The following OCA2 variants were observed in gnomAD, a reference collection of about 807,000 sequenced individuals.
OCA2 encodes P protein.
A neutral mutation model predicts 100.2 loss-of-function variants in OCA2; 77 were observed. The ratio of observed to expected loss-of-function variants is 0.77; its 90% CI spans 0.64 to 0.93. The LOEUF (loss-of-function observed/expected upper bound fraction) is 0.93, where lower values mean the gene tolerates loss of function less well. OCA2 is among the 40% of genes least tolerant of loss of function. The pLI is 0.00. For missense variants in OCA2, 1,062 were observed against 1,089.1 expected, an observed-to-expected ratio of 0.98 and a Z score of 0.35; for synonymous variants, 432 against 439.2, an observed-to-expected ratio of 0.98 and a Z score of 0.21.
chr15:27,760,514 A>AT (rs2030749116), intron 23 of OCA2, among the ~76,000 whole-genome samples: 1 of 151,968 alleles, frequency 6.6e-6, no homozygotes, highest in African/African-American at 2.4e-5. Flanking sequence ...AGAAAAACCA[A>AT]TGAAACAAAG....
chr15:27,787,409 AATTTAATCTGTT>A (rs1334936380), intron 23 of OCA2, among the ~76,000 whole-genome samples: 1 of 152,022 alleles, frequency 6.6e-6, no homozygotes, highest in African/African-American at 2.4e-5. Context: ...TTTAATCACA[AATTTAATCTGTT>A]TACTTGTTAT....
At position 27,820,553 on chromosome 15, in the gene OCA2, A is replaced by G. The variant is rs368437127; in HGVS notation, c.2432+24406T>C. 2.6e-5 allele frequency among the ~76,000 whole-genome samples: 4 copies of G among 152,328 alleles called. No homozygotes were observed. The South Asian group carries it at 6.2e-4, about 24-fold the overall frequency. On this transcript the variant is annotated intron_variant, in intron 23 of 23. Coordinates refer to ENST00000354638, the MANE Select transcript of OCA2 (RefSeq NM_000275.3). ...ACTGTCAAGGTCATCAAAAACAAGG[A>G]AAGACTGAGAAACTGTCACAGCTAA...
intron 19 of OCA2, among the ~76,000 whole-genome samples, chr15:27,906,652 G>A (rs1202264755): frequency 6.6e-6 from 1 of 151,668 alleles, no homozygotes; most frequent in Non-Finnish European, 1.5e-5. Context: ...AAGGCCGCAC[G>A]CAAAACAATC....
chr15:28,029,285 G>A (rs2042845165), intron 3 of OCA2, among the ~76,000 whole-genome samples: 1 of 152,158 alleles, frequency 6.6e-6, no homozygotes, highest in Non-Finnish European at 1.5e-5. Context: ...TGTGTAACAA[G>A]ATAACACATG....
chr15:27,956,486 C>T (rs1216922654), intron 16 of OCA2, among the ~76,000 whole-genome samples: 1 of 152,234 alleles, frequency 6.6e-6, no homozygotes, highest in Non-Finnish European at 1.5e-5. Context: ...ACCAGAGGAG[C>T]TGATGGGAAC....
chr15:27,918,083 C>G (rs887606254), intron 19 of OCA2, among the ~76,000 whole-genome samples: 6 of 143,484 alleles, frequency 4.2e-5, no homozygotes, highest in African/African-American at 1.3e-4. Context: ...GCTCAGCTCC[C>G]TCTTGATTTT....
At chr15:27,870,954 G>A (rs2036543555) in intron 21 of OCA2, among the ~76,000 whole-genome samples, 200 bp downstream of exon 21, 1 of 151,794 alleles carries the variant, frequency 6.6e-6, no homozygotes, top group African/African-American at 2.4e-5. Flanking sequence ...GGCAGCTGCA[G>A]AGCCTCGGCT....
chr15:28,006,708 A>C (rs549017417), intron 9 of OCA2, among the ~76,000 whole-genome samples: 27 of 152,366 alleles, frequency 1.8e-4, no homozygotes, highest in Non-Finnish European at 4.0e-4. Flanking sequence ...CTACTTATGC[A>C]ATATGTTCCA....
chr15:28,080,578 A>T (rs1460647037), intron 2 of OCA2, among the ~76,000 whole-genome samples: 1 of 152,252 alleles, frequency 6.6e-6, no homozygotes, highest in Admixed American at 6.5e-5. Flanking sequence ...AAGCATGAGC[A>T]CGCAAGCTGG....
intron 21 of OCA2, among the ~76,000 whole-genome samples, chr15:27,861,056 T>C (rs553370174): frequency 6.6e-6 from 1 of 152,288 alleles, no homozygotes; most frequent in South Asian, 2.1e-4. Flanking sequence ...TTGGGAACAA[T>C]ACGTCTGAAG....
chr15:27,918,954 A>G (rs2038766386), intron 19 of OCA2, among the ~76,000 whole-genome samples: 2 of 152,224 alleles, frequency 1.3e-5, no homozygotes, highest in Non-Finnish European at 1.5e-5. Context: ...TAGTACAGAT[A>G]AAAGAGAAAA....
At chr15:28,009,641 T>C (rs144419037) in intron 9 of OCA2, among the ~76,000 whole-genome samples, 2,034 of 146,542 alleles carry the variant, frequency 0.014, 43 homozygotes, top group African/African-American at 0.048. Flanking sequence ...TGGGCTGAGA[T>C]TGCGCCACTG....
At chr15:27,998,980 G>A (rs1406589568) in intron 9 of OCA2, among the ~76,000 whole-genome samples, 5 of 151,272 alleles carry the variant, frequency 3.3e-5, no homozygotes, top group South Asian at 2.1e-4. Context: ...GTTCTCACTC[G>A]TAGATGGGAA....
intron 23 of OCA2, among the ~76,000 whole-genome samples, chr15:27,769,245 C>T (rs563388346): frequency 2.4e-4 from 36 of 152,336 alleles, no homozygotes; most frequent in Admixed American, 9.2e-4. Flanking sequence ...AAGGCACTTG[C>T]GTGTCAAAGC....
chr15:27,835,250 C>A (rs556645508), intron 23 of OCA2, among the ~76,000 whole-genome samples: 1 of 152,164 alleles, frequency 6.6e-6, no homozygotes, highest in Non-Finnish European at 1.5e-5. Flanking sequence ...TAAAATGATG[C>A]GGCAGGTTGC....
chr15:27,972,820 GTTATTTTATTTTATT>G (rs200881214), intron 14 of OCA2, among the ~76,000 whole-genome samples: 1,291 of 74,436 alleles, frequency 0.017, 55 homozygotes, highest in African/African-American at 0.034. Context: ...TACTTTGATG[GTTATTTTATTTTATT>G]TTATTTTATT....
intron 21 of OCA2, among the ~76,000 whole-genome samples, chr15:27,870,519 C>T (rs924433347): frequency 1.3e-5 from 2 of 152,158 alleles, no homozygotes; most frequent in East Asian, 3.9e-4. Flanking sequence ...TACTTCCAAT[C>T]CTGGCTGGGG....
At chr15:28,012,979 A>G (rs1282570397) in intron 9 of OCA2, among the ~76,000 whole-genome samples, 1 of 152,222 alleles carries the variant, frequency 6.6e-6, no homozygotes, top group Non-Finnish European at 1.5e-5. Context: ...AATAGGATTT[A>G]TCTTAGGCGG....
intron 18 of OCA2, among the ~76,000 whole-genome samples, chr15:27,927,630 C>T (rs193183403): frequency 6.6e-6 from 1 of 152,260 alleles, no homozygotes; most frequent in Admixed American, 6.5e-5. Context: ...TATCATTTTA[C>T]AATCCCACCA....
Sources: allele counts gnomAD v4.1 joint callset (sites outside exome capture counted in the v4.1 genomes callset), GRCh38; gene constraint gnomAD v4.1.1; transcripts MANE v1.5; gene names NCBI Gene and HGNC (gene_info 2026-07-23, HGNC 2026-07-21).